Variants in MID1 observed in about 807,000 individuals in gnomAD.
MID1 encodes the protein E3 ubiquitin-protein ligase Midline-1.
In MID1, 7 loss-of-function variants were observed where a neutral mutation model predicts 40.4. The observed-to-expected ratio is 0.17, with a 90% CI of 0.10 to 0.33. The LOEUF is 0.33. Among genes scored for constraint, MID1 ranks in the 10% least tolerant of loss-of-function variants. MID1 has a pLI of 1.00. For synonymous variants in MID1, 229 were observed against 221.2 expected (o/e 1.04, Z -0.31); for missense variants, 367 against 558.5 (o/e 0.66, Z 3.46).
chrX:10,529,512 G>T (rs1038735250), intron 2 of MID1, among the ~76,000 whole-genome samples: 8 of 112,104 alleles, frequency 7.1e-5, no homozygotes, highest in African/African-American at 2.6e-4. Context: ...GCTACTATTT[G>T]TTGTCATCTC....
intron 1 of MID1, among the ~76,000 whole-genome samples, chrX:10,673,520 C>T (rs184775516): frequency 4.0e-4 from 45 of 111,850 alleles, no homozygotes; most frequent in Non-Finnish European, 7.5e-4. Flanking sequence ...CATTTTTACA[C>T]GTAAATACAT....
chrX:10,609,718 T>TC (rs1378258119), intron 1 of MID1, among the ~76,000 whole-genome samples: 4 of 97,981 alleles, frequency 4.1e-5, no homozygotes, highest in Admixed American at 1.1e-4. Context: ...TTTCTTTCTT[T>TC]TTTTTTTTTT....
At chrX:10,510,810 A>C (rs1469878638) in intron 3 of MID1, among the ~76,000 whole-genome samples, 1 of 92,475 alleles carries the variant, frequency 1.1e-5, no homozygotes, top group Non-Finnish European at 2.2e-5. Flanking sequence ...CCAGCCTGGC[A>C]ACAGAGCAAG....
chrX:10,559,362 T>C (rs1934244957), intron 2 of MID1, among the ~76,000 whole-genome samples: 1 of 112,238 alleles, frequency 8.9e-6, no homozygotes, highest in South Asian at 3.7e-4. Context: ...TTGGAGTCAG[T>C]TGGAACTGGT....
At chrX:10,765,947 GAAA>G (rs750989156) in intron 1 of MID1, among the ~76,000 whole-genome samples, 76 of 11,669 alleles carry the variant, frequency 6.5e-3, no homozygotes, top group South Asian at 0.045. Flanking sequence ...GGAAAGGAAA[GAAA>G]GAAAGAAAGA....
chrX:10,628,911 C>T (rs1480559392), intron 1 of MID1, among the ~76,000 whole-genome samples: 6 of 111,921 alleles, frequency 5.4e-5, no homozygotes, highest in African/African-American at 1.9e-4. Flanking sequence ...TATGGGACAT[C>T]GGAATCCATC....
chrX:10,695,161 C>G (rs2043154770), intron 1 of MID1, among the ~76,000 whole-genome samples: 1 of 111,991 alleles, frequency 8.9e-6, no homozygotes. Flanking sequence ...TTCTCATTCT[C>G]TTGCCCAGGC....
intron 3 of MID1, chrX:10,506,097 C>A: frequency 1.2e-6 from 1 of 816,518 alleles, no homozygotes. Flanking sequence ...AATATCTTGC[C>A]CTGTTGTTGT....
At chrX:10,717,722 C>G (rs2043316335) in intron 1 of MID1, among the ~76,000 whole-genome samples, 3 of 109,638 alleles carry the variant, frequency 2.7e-5, no homozygotes, top group Non-Finnish European at 5.7e-5. Context: ...GAACTCTCCA[C>G]CCCAAATCAA....
At chrX:10,802,361 A>T (rs2044014166) in intron 1 of MID1, among the ~76,000 whole-genome samples, 1 of 111,788 alleles carries the variant, frequency 8.9e-6, no homozygotes, top group Non-Finnish European at 1.9e-5. Flanking sequence ...CCCATCAAAA[A>T]ATGGACAAAG....
chrX:10,619,893 T>C (rs766761115), intron 1 of MID1, among the ~76,000 whole-genome samples: 1 of 112,178 alleles, frequency 8.9e-6, no homozygotes, highest in South Asian at 3.8e-4. Context: ...CGTGAAATTC[T>C]TTTTCAGGAC....
chrX:10,451,472 C>G (rs1412056785), intron 9 of MID1, among the ~76,000 whole-genome samples: 1 of 111,519 alleles, frequency 9.0e-6, no homozygotes, highest in African/African-American at 3.3e-5. Flanking sequence ...ACTTCATGCC[C>G]CAGCCCTTCC....
intron 1 of MID1, among the ~76,000 whole-genome samples, chrX:10,645,879 G>A (rs1245614330): frequency 1.8e-5 from 2 of 111,814 alleles, no homozygotes; most frequent in Non-Finnish European, 3.8e-5. Flanking sequence ...TGTACAGGGA[G>A]TTGACTTTCA....
chrX:10,719,044 T>C (rs2043327402), intron 1 of MID1, among the ~76,000 whole-genome samples: 1 of 111,762 alleles, frequency 8.9e-6, no homozygotes, highest in Admixed American at 9.5e-5. Flanking sequence ...ATGGGACGTA[T>C]CTCAAAATAA....
intron 2 of MID1, 121 bp from the exon 3 acceptor site, chrX:10,523,308 C>T: frequency 5.8e-6 from 3 of 516,680 alleles, no homozygotes; most frequent in Non-Finnish European, 9.6e-6. Context: ...TTAGTGAAAT[C>T]GACATAATTT....
intron 8 of MID1, among the ~76,000 whole-genome samples, chrX:10,457,683 C>CCAAT (rs1037289404): frequency 6.2e-5 from 7 of 112,178 alleles, no homozygotes; most frequent in Non-Finnish European, 9.4e-5. Flanking sequence ...AATCTCTCCA[C>CCAAT]CAATCATTGG....
intron 1 of MID1, among the ~76,000 whole-genome samples, chrX:10,689,638 CTT>C (rs904995220): frequency 9.0e-5 from 10 of 110,922 alleles, no homozygotes; most frequent in Non-Finnish European, 1.5e-4. Context: ...CCTGTCTAGT[CTT>C]TTTTTCTGGG....
At chrX:10,790,307 A>AT (rs898842325) in intron 1 of MID1, among the ~76,000 whole-genome samples, 6 of 108,043 alleles carry the variant, frequency 5.6e-5, no homozygotes, top group Admixed American at 1.0e-4. Context: ...CGCCCAGGTA[A>AT]TTTTTTTTAT....
intron 2 of MID1, among the ~76,000 whole-genome samples, chrX:10,537,388 C>G (rs933301205): frequency 8.9e-6 from 1 of 112,010 alleles, no homozygotes; most frequent in Admixed American, 9.5e-5. Flanking sequence ...GCTCTCAGGA[C>G]TTTTTAGTGT....
Sources: gnomAD v4.1 joint callset for allele counts (sites outside exome capture counted in the v4.1 genomes callset) on GRCh38, gnomAD v4.1.1 for gene constraint, MANE v1.5 for transcripts, NCBI Gene and HGNC (gene_info 2026-07-23, HGNC 2026-07-21) for gene names.